FKBP1A: variants seen among roughly 807,000 people sequenced by gnomAD.
FKBP1A encodes peptidyl-prolyl cis-trans isomerase FKBP1A.
A neutral mutation model predicts 14.2 loss-of-function variants in FKBP1A; 5 were observed. That is an observed-to-expected ratio of 0.35 (90% CI 0.18 to 0.74). The LOEUF is 0.74. FKBP1A is among the 30% of genes least tolerant of loss of function. FKBP1A has a pLI of 0.56. For missense variants in FKBP1A, 53 were observed against 138.8 expected (o/e 0.38, Z 3.10); for synonymous variants, 42 against 49.1 (o/e 0.86, Z 0.60).
At chr20:1,370,529 A>C in intron 4 of FKBP1A, 1 of 984,704 alleles carries the variant, frequency 1.0e-6, no homozygotes, top group Non-Finnish European at 1.2e-6. Flanking sequence ...TCTCATGTGC[A>C]GTCCAGACTG....
chr20:1,392,459 G>A (rs2089750073), intron 2 of FKBP1A, among the ~76,000 whole-genome samples: 1 of 152,222 alleles, frequency 6.6e-6, no homozygotes, highest in Non-Finnish European at 1.5e-5. Flanking sequence ...TCCCTGGCCA[G>A]AGCTCTGCCC....
At chr20:1,374,784 T>TAGCAAC (rs1221140612) in intron 3 of FKBP1A, 22 of 152,620 alleles carry the variant, frequency 1.4e-4, no homozygotes, top group African/African-American at 5.3e-4. Context: ...AAGTAAATTA[T>TAGCAAC]AGCACACTTA....
At chr20:1,385,112 G>A (rs767612376) in intron 2 of FKBP1A, among the ~76,000 whole-genome samples, 13 of 152,134 alleles carry the variant, frequency 8.5e-5, no homozygotes, top group East Asian at 1.9e-4. Flanking sequence ...CCACTAGGCC[G>A]GGTGCAGTGG....
intron 2 of FKBP1A, chr20:1,378,517 T>C (rs769088370): frequency 2.0e-5 from 3 of 152,058 alleles, no homozygotes; most frequent in Non-Finnish European, 2.9e-5. Flanking sequence ...TGAACCCTAA[T>C]GTAAACTATG....
chr20:1,384,617 G>T, intron 2 of FKBP1A, among the ~76,000 whole-genome samples: 1 of 152,192 alleles, frequency 6.6e-6, no homozygotes, highest in Non-Finnish European at 1.5e-5. Flanking sequence ...TCTCAATCAT[G>T]ATGGGTAAAA....
chr20:1,370,636 G>T (rs2089451477), intron 4 of FKBP1A: 4 of 985,396 alleles, frequency 4.1e-6, no homozygotes, highest in Non-Finnish European at 4.8e-6. Flanking sequence ...TTTGCCCTTG[G>T]ATTTTCCTTC....
At position 1,386,116 on chromosome 20, in the gene FKBP1A, C is replaced by G. The variant is rs1037257975; in HGVS notation, c.85+6718G>C. On this transcript the variant is annotated intron_variant, in intron 2 of 4. Transcript: ENST00000400137. This position sits in a 1 kb window ranked among gnomAD's most constrained non-coding sequence, Gnocchi z 4.7. Reference sequence around the variant, plus strand: ...ATAGCAGACATTCATCAAGTACTTACAGAAATATCAAAGGTACCCTTTTCT... The same window carrying G: ...ATAGCAGACATTCATCAAGTACTTAGAGAAATATCAAAGGTACCCTTTTCT... Among the ~76,000 whole-genome samples, 2 of 152,202 alleles carry G rather than the reference C, an allele frequency of 1.3e-5. No homozygotes were observed. Among genetic ancestry groups the G allele is most frequent in the Non-Finnish European group, 2.9e-5 (2 of 68,038 alleles).
At chr20:1,391,282 TCAC>T (rs1435621364) in intron 2 of FKBP1A, among the ~76,000 whole-genome samples, 5 of 152,060 alleles carry the variant, frequency 3.3e-5, no homozygotes, top group Non-Finnish European at 7.4e-5. Context: ...AACTGCCCAC[TCAC>T]CCCAGCACTG....
chr20:1,377,555 A>G (rs2122676581), intron 2 of FKBP1A: 1 of 152,350 alleles, frequency 6.6e-6, no homozygotes. Context: ...ACAGTTCTCT[A>G]TAAATGAGTA....
intron 2 of FKBP1A, chr20:1,377,905 T>A (rs2089568955): frequency 1.3e-5 from 2 of 152,182 alleles, no homozygotes; most frequent in South Asian, 4.1e-4. Context: ...AAGAAAAACA[T>A]GCCCAGAGGG....
chr20:1,385,119 G>A (rs1270395439), intron 2 of FKBP1A, among the ~76,000 whole-genome samples: 1 of 152,224 alleles, frequency 6.6e-6, no homozygotes, highest in East Asian at 1.9e-4. Context: ...GCCGGGTGCA[G>A]TGGCTCACGC....
chr20:1,370,803 A>C, intron 4 of FKBP1A: 1 of 985,398 alleles, frequency 1.0e-6, no homozygotes, highest in Non-Finnish European at 1.2e-6. Flanking sequence ...GGCTCCCTCG[A>C]GTACAGTTAT....
chr20:1,371,076 G>T (rs1384484316), intron 4 of FKBP1A: 1 of 985,442 alleles, frequency 1.0e-6, no homozygotes, highest in Non-Finnish European at 1.2e-6. Context: ...TCACAAATAG[G>T]ATGGCAGCCA....
intron 4 of FKBP1A, 94 bp from the exon 5 acceptor site, chr20:1,370,166 C>T: frequency 6.6e-7 from 1 of 1,505,354 alleles, no homozygotes. Flanking sequence ...CGCCAAATCC[C>T]TTCCCCAACA....
intron 2 of FKBP1A, among the ~76,000 whole-genome samples, chr20:1,380,213 CTATATCCT>C (rs1457999201): frequency 6.6e-6 from 1 of 151,984 alleles, no homozygotes; most frequent in Non-Finnish European, 1.5e-5. Flanking sequence ...AAGGGCAGCC[CTATATCCT>C]TGGGAGTTTC....
In FKBP1A at chr20:1,369,893, G is replaced by A; in HGVS notation, c.*216C>T. 1.1e-6 allele frequency: 1 copy of A among 894,172 alleles called. No homozygotes were observed. Among genetic ancestry groups the A allele is most frequent in the Non-Finnish European group, 1.7e-6 (1 of 599,536 alleles). The allele number at this position is 894,172 out of a possible 1,614,324, so 55.4% of individuals were successfully genotyped here. A position where few individuals can be genotyped will look rare whatever the true frequency, so the allele number is the denominator to read the frequency against. On this transcript the variant is annotated 3_prime_UTR_variant, in exon 5 of 5. Coordinates refer to ENST00000400137, the MANE Select transcript of FKBP1A (RefSeq NM_000801.5). ...CTTGAGGTTTATGGCATATAGTTTA[G>A]GTAAACACACATACGAGGAGAAAGG...
At chr20:1,388,451 T>A (rs956800475) in intron 2 of FKBP1A, among the ~76,000 whole-genome samples, 1 of 152,184 alleles carries the variant, frequency 6.6e-6, no homozygotes, top group Non-Finnish European at 1.5e-5. Flanking sequence ...AACTGGGTAG[T>A]CTCGATAGGC....
intron 4 of FKBP1A, chr20:1,371,289 G>T: frequency 1.2e-6 from 1 of 855,022 alleles, no homozygotes; most frequent in Non-Finnish European, 1.4e-6. Context: ...AGAAATGAGG[G>T]TGGAAGAGGG....
intron 2 of FKBP1A, among the ~76,000 whole-genome samples, chr20:1,391,067 G>A (rs1025028955): frequency 6.6e-6 from 1 of 152,150 alleles, no homozygotes; most frequent in Non-Finnish European, 1.5e-5. Context: ...GGTGAAGTGC[G>A]GCACTGCCTA....
Sources: allele counts gnomAD v4.1 joint callset (sites outside exome capture counted in the v4.1 genomes callset), GRCh38; gene constraint gnomAD v4.1.1; non-coding constraint Gnocchi (gnomAD v3.1); transcripts MANE v1.5; gene names NCBI Gene and HGNC (gene_info 2026-07-23, HGNC 2026-07-21).